The following THBS2 variants were observed in gnomAD, a reference collection of about 807,000 sequenced individuals.
The protein encoded by THBS2 is thrombospondin-2.
A neutral mutation model predicts 135.2 loss-of-function variants in THBS2; 47 were observed. That is an observed-to-expected ratio of 0.35 (90% confidence interval 0.28 to 0.44). The LOEUF is 0.44. Among genes scored for constraint, THBS2 ranks in the 20% least tolerant of loss-of-function variants. The pLI, the probability that THBS2 is intolerant of heterozygous loss-of-function variation, is 1.00. For missense variants in THBS2, 1,288 were observed against 1,603.1 expected (o/e 0.80, Z 3.36); for synonymous variants, 639 against 633.8 (o/e 1.01, Z -0.12).
At chr6:169,244,166 T>G (rs753583431) in intron 4 of THBS2, among the ~76,000 whole-genome samples, 72 of 29,470 alleles carry the variant, frequency 2.4e-3, no homozygotes, top group Non-Finnish European at 3.4e-3. Context: ...TTCTCTGTGT[T>G]TTTTTTTTTT....
chr6:169,224,995 T>C (rs965133541), intron 17 of THBS2, 150 bp downstream of exon 17: 2 of 748,512 alleles, frequency 2.7e-6, no homozygotes, highest in African/African-American at 3.5e-5. Context: ...GAAACTCATA[T>C]TGCATGGACC....
intron 19 of THBS2, 40 bp from the exon 20 acceptor site, chr6:169,221,567 C>A (rs757688820): frequency 6.3e-7 from 1 of 1,597,106 alleles, no homozygotes; most frequent in South Asian, 1.1e-5. Flanking sequence ...CATGGGCACC[C>A]GGAGCCTTAA....
intron 7 of THBS2, among the ~76,000 whole-genome samples, chr6:169,238,048 A>G (rs907677682): frequency 6.6e-6 from 1 of 152,180 alleles, no homozygotes; most frequent in African/African-American, 2.4e-5. Context: ...TGGGTCTACT[A>G]TTAGGGTGCT....
intron 6 of THBS2, 132 bp downstream of exon 6, chr6:169,240,320 C>T: frequency 7.9e-7 from 1 of 1,260,606 alleles, no homozygotes; most frequent in Non-Finnish European, 1.1e-6. Flanking sequence ...GTGTTTCTTA[C>T]ACTGAAATTT....
intron 16 of THBS2, 140 bp from the exon 17 acceptor site, chr6:169,225,519 G>A (rs933657274): frequency 3.7e-5 from 29 of 792,512 alleles, no homozygotes; most frequent in East Asian, 5.4e-5. Context: ...CGGCTGGCCC[G>A]AGGTCACACT....
intron 21 of THBS2, among the ~76,000 whole-genome samples, chr6:169,219,499 C>T (rs1779341118): frequency 6.6e-6 from 1 of 152,074 alleles, no homozygotes; most frequent in Non-Finnish European, 1.5e-5. Context: ...GAGAAGAAAA[C>T]CTCCACAGAA....
At chr6:169,245,605 A>C (rs924223107) in intron 4 of THBS2, among the ~76,000 whole-genome samples, 7 of 152,136 alleles carry the variant, frequency 4.6e-5, no homozygotes, top group African/African-American at 1.7e-4. Flanking sequence ...ATCTTGGCTA[A>C]CACGCTGAAA....
chr6:169,248,680 C>A lies in THBS2; in HGVS notation c.346G>T (p.Val116Phe). 2 of 1,613,868 alleles carry A rather than the reference C, an allele frequency of 1.2e-6. No homozygotes were observed. Among genetic ancestry groups the A allele is most frequent in the Non-Finnish European group, 1.7e-6 (2 of 1,179,892 alleles). ...AGCGTGTCCGCGGGGCCGTTGGAGA[C>A]GATCTCGAACTGCCTCTGGGAGAGA... Reference protein sequence around the residue: ...PGLSQRQFEIVSNGPADTLDL... With the variant: ...PGLSQRQFEIFSNGPADTLDL... Residue 116 changes from valine to phenylalanine, a missense_variant, in exon 3 of 22, where the codon GTC becomes TTC. Transcript: ENST00000617924.
At chr6:169,237,448 G>C in intron 8 of THBS2, 102 bp from the exon 9 acceptor site, 1 of 1,495,674 alleles carries the variant, frequency 6.7e-7, no homozygotes, top group East Asian at 2.3e-5. Context: ...CAGCTGCTGA[G>C]GAGAGGGAAG....
intron 14 of THBS2, 144 bp downstream of exon 14, chr6:169,229,427 AG>A (rs1338359243): frequency 5.9e-5 from 36 of 610,948 alleles, no homozygotes; most frequent in Non-Finnish European, 9.8e-5. Context: ...CTGTCTTTAT[AG>A]TGACCTTTGG....
At position 169,240,622 on chromosome 6, in the gene THBS2, A is replaced by G. The variant is rs369272909; in HGVS notation, c.892-30T>C. ...AAAATCAAGTGAAACATTTAAGTGT[A>G]GACAATAATACTACATATTTAGTCA... On this transcript the variant is annotated intron_variant, in intron 5 of 21. Transcript: ENST00000617924. 5.0e-6 allele frequency: 8 copies of G among 1,611,830 alleles called. No individual in the cohort carries two copies. In the African/African-American group the frequency reaches 1.1e-4, roughly 22 times the overall value.
intron 21 of THBS2, among the ~76,000 whole-genome samples, 198 bp from the exon 22 acceptor site, chr6:169,218,027 G>A (rs1419304247): frequency 2.1e-5 from 2 of 94,434 alleles, no homozygotes; most frequent in African/African-American, 4.0e-5. Context: ...ATGGGTCGGT[G>A]GGTGGGTGGA....
chr6:169,234,666 A>G, intron 10 of THBS2, 68 bp downstream of exon 10: 1 of 1,376,296 alleles, frequency 7.3e-7, no homozygotes, highest in Non-Finnish European at 9.5e-7. Context: ...TAGTTTCCCA[A>G]AGCGTTTGTG....
rs1464866292 is a variant in THBS2, at chr6:169,216,879, A to G, written c.*943T>C. 3 of 152,256 alleles carry G rather than the reference A, an allele frequency of 2.0e-5. No homozygotes were observed. Among genetic ancestry groups the G allele is most frequent in the Admixed American group, 6.5e-5 (1 of 15,288 alleles). The allele number at this position is 152,256 out of a possible 1,614,324, so 9.4% of individuals were successfully genotyped here. A position where few individuals can be genotyped will look rare whatever the true frequency, so the allele number is the denominator to read the frequency against. On this transcript the variant is annotated 3_prime_UTR_variant, in exon 22 of 22. Coordinates refer to ENST00000617924, the MANE Select transcript of THBS2 (RefSeq NM_003247.5). ...AATGAAATGTATCATCAAATCAGGT[A>G]AAAGCAACTTGTCCGCAGTTACCAA...
chr6:169,218,242 GAGATGGAT>G, intron 21 of THBS2, among the ~76,000 whole-genome samples: 1 of 137,756 alleles, frequency 7.3e-6, no homozygotes, highest in Non-Finnish European at 1.6e-5. Context: ...GTGGCTGGAT[GAGATGGAT>G]GGATGGGTGG....
intron 4 of THBS2, among the ~76,000 whole-genome samples, chr6:169,244,038 T>G (rs760232683): frequency 6.6e-6 from 1 of 152,216 alleles, no homozygotes; most frequent in African/African-American, 2.4e-5. Flanking sequence ...AAATGGGACA[T>G]TGGCATCCAC....
At chr6:169,244,862 A>G (rs1292019442) in intron 4 of THBS2, among the ~76,000 whole-genome samples, 1 of 152,106 alleles carries the variant, frequency 6.6e-6, no homozygotes, top group Non-Finnish European at 1.5e-5. Context: ...GGTTGGTCTT[A>G]GAACACCCTT....
chr6:169,223,961 T>C (rs1167940375), intron 17 of THBS2, among the ~76,000 whole-genome samples: 1 of 152,164 alleles, frequency 6.6e-6, no homozygotes, highest in Non-Finnish European at 1.5e-5. Flanking sequence ...GTTTAGTGGG[T>C]CCTTGTCAAG....
At position 169,232,800 on chromosome 6, in the gene THBS2, T is replaced by C. The variant is rs1424021601; in HGVS notation, c.1796A>G (p.Asp599Gly). ...EDLDECALVP[D>G]ICFSTSKVPR... The stretch of plus-strand genomic sequence containing the variant: ...CACCTTGCTGGTGGAGAAGCAGATG[T>C]CGGGGACCAGGGCACACTGCGGGGA... The change falls in exon 12 of 22, where the codon GAC becomes GGC. Residue 599 changes from aspartate (D) to glycine (G), a missense_variant. Asp to Gly is a moderately conservative substitution (Grantham distance 94). Coordinates refer to ENST00000617924, the MANE Select transcript of THBS2 (RefSeq NM_003247.5). The C allele has an allele frequency of 6.2e-7, 1 of 1,613,550 alleles. No homozygotes were observed. Among genetic ancestry groups the C allele is most frequent in the Non-Finnish European group, 8.5e-7 (1 of 1,179,720 alleles).
Sources: gnomAD v4.1 joint callset for allele counts (sites outside exome capture counted in the v4.1 genomes callset) on GRCh38, gnomAD v4.1.1 for gene constraint, MANE v1.5 for transcripts, NCBI Gene and HGNC (gene_info 2026-07-23, HGNC 2026-07-21) for gene names.